ATRNL1: variants seen among roughly 807,000 people sequenced by gnomAD.
ATRNL1 encodes attractin like 1, also known as attractin-like protein 1.
A neutral mutation model predicts 182.7 loss-of-function variants in ATRNL1; 95 were observed. The observed-to-expected ratio is 0.52, with a 90% CI of 0.44 to 0.62. ATRNL1 has a LOEUF of 0.62. Ranked by LOEUF, ATRNL1 falls within the 20% of genes least tolerant of loss-of-function variation. ATRNL1 has a pLI of 0.00. For missense variants in ATRNL1, 1,471 were observed against 1,679.5 expected (o/e 0.88, Z 2.17); for synonymous variants, 576 against 568.3 (o/e 1.01, Z -0.19).
chr10:115,427,572 G>A (rs1484046944), intron 21 of ATRNL1, among the ~76,000 whole-genome samples: 1 of 152,108 alleles, frequency 6.6e-6, no homozygotes, highest in Non-Finnish European at 1.5e-5. Context: ...TTCTATTTAA[G>A]TATATGGTCC....
chr10:115,278,951 C>T (rs1005683464), intron 13 of ATRNL1, among the ~76,000 whole-genome samples: 1 of 151,786 alleles, frequency 6.6e-6, no homozygotes, highest in Non-Finnish European at 1.5e-5. Flanking sequence ...ACCTGTAATC[C>T]CAGCACTTTG....
chr10:115,848,347 G>A (rs1428126021), intron 28 of ATRNL1, among the ~76,000 whole-genome samples: 1 of 152,110 alleles, frequency 6.6e-6, no homozygotes, highest in Non-Finnish European at 1.5e-5. Flanking sequence ...AGTATGTGTG[G>A]CATGTTGGAA....
chr10:115,763,932 A>G (rs767081033), intron 27 of ATRNL1, among the ~76,000 whole-genome samples: 1 of 152,206 alleles, frequency 6.6e-6, no homozygotes, highest in African/African-American at 2.4e-5. Context: ...TGATACGGTG[A>G]AAATGAAAAC....
intron 26 of ATRNL1, among the ~76,000 whole-genome samples, chr10:115,558,317 G>C (rs533947425): frequency 1.3e-5 from 2 of 152,218 alleles, no homozygotes; most frequent in South Asian, 4.1e-4. Context: ...CTGGTCAAGG[G>C]CCTGGATGCA....
rs369772286 is a variant in ATRNL1 at position 115,803,208 on chromosome 10, G to A, written c.3904-44669G>A. Among the ~76,000 whole-genome samples the A allele has an allele frequency of 7.2e-5, 11 of 152,198 alleles. No individual in the cohort carries two copies. The East Asian group carries it at 1.5e-3, about 21-fold the overall frequency. On this transcript the variant is annotated intron_variant, in intron 27 of 28. Transcript: ENST00000355044. ...GAATGCTTTCTAGAAGTAAAAGGGT[G>A]CAGATTTATTTACCTAGTATACTTA...
chr10:115,273,131 C>T (rs1320733249), intron 13 of ATRNL1, among the ~76,000 whole-genome samples: 2 of 152,054 alleles, frequency 1.3e-5, no homozygotes, highest in Non-Finnish European at 2.9e-5. Context: ...CTGCTACTGG[C>T]ATATTGGGTA....
intron 7 of ATRNL1, among the ~76,000 whole-genome samples, chr10:115,170,152 T>C (rs1284404534): frequency 6.6e-6 from 1 of 152,182 alleles, no homozygotes; most frequent in Non-Finnish European, 1.5e-5. Context: ...AGCTGGAACA[T>C]CCACTACAAT....
At chr10:115,192,714 G>GT (rs1399980474) in intron 8 of ATRNL1, among the ~76,000 whole-genome samples, 3 of 148,732 alleles carry the variant, frequency 2.0e-5, no homozygotes, top group Non-Finnish European at 4.4e-5. Context: ...TTCCAAATCC[G>GT]TTTTTTTGTG....
At chr10:115,507,895 G>T (rs575210311) in intron 24 of ATRNL1, among the ~76,000 whole-genome samples, 48 of 152,082 alleles carry the variant, frequency 3.2e-4, no homozygotes, top group South Asian at 6.2e-4. Context: ...GCCAAACAGG[G>T]TTACAGAGGT....
At chr10:115,316,781 T>A (rs923857582) in intron 18 of ATRNL1, among the ~76,000 whole-genome samples, 1 of 152,210 alleles carries the variant, frequency 6.6e-6, no homozygotes, top group African/African-American at 2.4e-5. Context: ...TCTTGTAAAT[T>A]TGTTTAAGTT....
At chr10:115,750,056 TA>T (rs1948403637) in intron 27 of ATRNL1, among the ~76,000 whole-genome samples, 1 of 151,940 alleles carries the variant, frequency 6.6e-6, no homozygotes, top group Non-Finnish European at 1.5e-5. Context: ...ACATTTTAAA[TA>T]GTGATTTATT....
At chr10:115,370,107 C>G (rs1468483781) in intron 19 of ATRNL1, among the ~76,000 whole-genome samples, 1 of 152,186 alleles carries the variant, frequency 6.6e-6, no homozygotes, top group Non-Finnish European at 1.5e-5. Context: ...ATCTTGTCTG[C>G]CACCATGTGA....
Position 115,156,430 on chromosome 10 carries a change from C to G in ATRNL1, c.830-3610C>G, listed in dbSNP as rs530662743. ...TACATGTGAAGTTTGAGATGACCCT[C>G]TATAGATATCCAAGTGGAAATGTAA... On this transcript the variant is annotated intron_variant, in intron 5 of 28. Coordinates refer to ENST00000355044, the MANE Select transcript of ATRNL1 (RefSeq NM_207303.4). 2.0e-5 allele frequency among the ~76,000 whole-genome samples: 3 copies of G among 152,164 alleles called. No individual in the cohort carries two copies. The South Asian group carries it at 6.2e-4, about 32-fold the overall frequency.
chr10:115,164,454 A>G (rs1846945322), intron 6 of ATRNL1, among the ~76,000 whole-genome samples: 1 of 152,172 alleles, frequency 6.6e-6, no homozygotes, highest in Non-Finnish European at 1.5e-5. Context: ...GAATTACTAT[A>G]TGATCCAGCA....
At chr10:115,246,759 A>G (rs1386053486) in intron 10 of ATRNL1, among the ~76,000 whole-genome samples, 1 of 75,292 alleles carries the variant, frequency 1.3e-5, no homozygotes, top group Non-Finnish European at 2.9e-5. Context: ...ACGGGGTTTC[A>G]CCTTGTTAGC....
chr10:115,431,482 A>T (rs1846162415), intron 21 of ATRNL1, among the ~76,000 whole-genome samples: 1 of 152,068 alleles, frequency 6.6e-6, no homozygotes, highest in South Asian at 2.1e-4. Flanking sequence ...CTTCGGTAAA[A>T]ACAAATTTTC....
At position 115,703,537 on chromosome 10, in the gene ATRNL1, A is replaced by G. The variant is rs555292628; in HGVS notation, c.3796-23711A>G. 7.9e-5 allele frequency among the ~76,000 whole-genome samples: 12 copies of G among 152,016 alleles called. No homozygotes were observed. In the South Asian group the frequency reaches 1.9e-3, roughly 24 times the overall value. ...GATAAGCAGGGAGATAAAATAGGGA[A>G]GTAGCACATAGGTTGATGGATGATC... On this transcript the variant is annotated intron_variant, in intron 26 of 28. Transcript: ENST00000355044.
At chr10:115,876,441 T>A (rs78437217) in intron 28 of ATRNL1, among the ~76,000 whole-genome samples, 2,418 of 152,344 alleles carry the variant, frequency 0.016, 80 homozygotes, top group African/African-American at 0.055. Flanking sequence ...AACATGAAGA[T>A]ACCCACATAC....
At chr10:115,712,598 G>C (rs929751666) in intron 26 of ATRNL1, among the ~76,000 whole-genome samples, 2 of 152,066 alleles carry the variant, frequency 1.3e-5, no homozygotes, top group African/African-American at 4.8e-5. Flanking sequence ...TGGGCGGAGT[G>C]GCTCATGCCT....
Sources: allele counts gnomAD v4.1 joint callset (sites outside exome capture counted in the v4.1 genomes callset), GRCh38; gene constraint gnomAD v4.1.1; transcripts MANE v1.5; gene names NCBI Gene and HGNC (gene_info 2026-07-23, HGNC 2026-07-21).